ENTPD5: variants seen among roughly 807,000 people sequenced by gnomAD.
ENTPD5 encodes the protein nucleoside diphosphate phosphatase ENTPD5.
In ENTPD5, 49 loss-of-function variants were observed where a neutral mutation model predicts 60.2. The ratio of observed to expected loss-of-function variants is 0.81; its 90% CI spans 0.65 to 1.03. The LOEUF is 1.03. Ranked by LOEUF, ENTPD5 falls within the 50% of genes least tolerant of loss-of-function variation. The probability of loss-of-function intolerance (pLI) is 0.00; values close to 1 mark genes in which losing one functional copy is unlikely to be tolerated. For synonymous variants in ENTPD5, 187 were observed against 185.4 expected (o/e 1.01, Z -0.07); for missense variants, 480 against 507.6 (o/e 0.95, Z 0.52).
At chr14:74,001,775 G>A (rs1290056444) in intron 3 of ENTPD5, among the ~76,000 whole-genome samples, 1 of 150,726 alleles carries the variant, frequency 6.6e-6, no homozygotes, top group African/African-American at 2.4e-5. Context: ...TTGAGCCTGA[G>A]AAGTGGAGGC....
intron 12 of ENTPD5, 125 bp from the exon 13 acceptor site, chr14:73,973,149 G>A: frequency 8.6e-7 from 1 of 1,168,786 alleles, no homozygotes; most frequent in Non-Finnish European, 1.2e-6. Context: ...GGAGAAGGCT[G>A]AGGCTTGGGA....
intron 2 of ENTPD5, among the ~76,000 whole-genome samples, chr14:74,012,719 G>T (rs1415099930): frequency 8.2e-6 from 1 of 121,276 alleles, no homozygotes; most frequent in Admixed American, 7.6e-5. Context: ...TACCATAATG[G>T]AATGTAGGCT....
intron 3 of ENTPD5, among the ~76,000 whole-genome samples, chr14:73,999,495 C>G (rs923735011): frequency 1.4e-5 from 2 of 145,110 alleles, no homozygotes; most frequent in Non-Finnish European, 3.0e-5. Flanking sequence ...CCCCCACCCC[C>G]CCAAAAAAAA....
At chr14:73,987,146 C>CAT (rs768546275) in intron 4 of ENTPD5, 1 of 702,096 alleles carries the variant, frequency 1.4e-6, no homozygotes, top group South Asian at 1.5e-5. Context: ...CATAAGTGAC[C>CAT]TGAGGAAAAA....
At chr14:74,001,242 C>T (rs915751590) in intron 3 of ENTPD5, among the ~76,000 whole-genome samples, 3 of 152,044 alleles carry the variant, frequency 2.0e-5, no homozygotes, top group Non-Finnish European at 4.4e-5. Flanking sequence ...GTGGCTCATG[C>T]CTGTAATCCC....
intron 3 of ENTPD5, among the ~76,000 whole-genome samples, chr14:74,008,527 A>G (rs905374124): frequency 5.3e-5 from 8 of 151,228 alleles, no homozygotes; most frequent in South Asian, 2.1e-4. Context: ...CCAAGTAGCT[A>G]GGACGATGGG....
At chr14:73,972,377 AAAC>A (rs1254551999) in intron 13 of ENTPD5, among the ~76,000 whole-genome samples, 1 of 151,898 alleles carries the variant, frequency 6.6e-6, no homozygotes, top group African/African-American at 2.4e-5. Flanking sequence ...CTGTCTCAAA[AAAC>A]AAACAAACAA....
intron 7 of ENTPD5, 103 bp downstream of exon 7, chr14:73,977,196 C>G: frequency 8.2e-7 from 1 of 1,223,076 alleles, no homozygotes; most frequent in Non-Finnish European, 1.2e-6. Context: ...CTATTTCCTG[C>G]TATCTCATTC....
chr14:73,992,202 T>C (rs1266962949), intron 3 of ENTPD5, among the ~76,000 whole-genome samples: 2 of 152,256 alleles, frequency 1.3e-5, no homozygotes, highest in South Asian at 2.1e-4. Context: ...ATCTCTTATG[T>C]AAGTCATAGT....
intron 3 of ENTPD5, among the ~76,000 whole-genome samples, chr14:74,009,791 C>CG (rs1445106218): frequency 3.0e-4 from 44 of 146,354 alleles, no homozygotes; most frequent in Non-Finnish European, 3.3e-4. Flanking sequence ...TGCATGTTTT[C>CG]GATTTTTTTT....
At chr14:73,958,754 G>T, downstream of ENTPD5, 1 of 1,450,846 alleles carries the variant, frequency 6.9e-7, no homozygotes, top group Non-Finnish European at 9.1e-7. Flanking sequence ...CTCATGGCTG[G>T]CACCTGTTCA....
intron 6 of ENTPD5, among the ~76,000 whole-genome samples, chr14:73,980,487 C>T (rs1456755099): frequency 6.6e-6 from 1 of 152,116 alleles, no homozygotes; most frequent in Non-Finnish European, 1.5e-5. Context: ...TGGTCTCAAA[C>T]TCCTGACCTC....
intron 3 of ENTPD5, among the ~76,000 whole-genome samples, chr14:74,002,834 C>G (rs1343674573): frequency 6.6e-6 from 1 of 152,150 alleles, no homozygotes; most frequent in Non-Finnish European, 1.5e-5. Context: ...CTCCCCATTT[C>G]AGAGAAACAA....
chr14:73,982,466 A>T (rs1007353743), intron 6 of ENTPD5, among the ~76,000 whole-genome samples: 47 of 152,150 alleles, frequency 3.1e-4, no homozygotes, highest in African/African-American at 1.1e-3. Context: ...TAAAAGAATG[A>T]AGAATATCAG....
At chr14:73,976,595 GTT>G (rs375982603) in intron 8 of ENTPD5, among the ~76,000 whole-genome samples, 183 bp from the exon 9 acceptor site, 1 of 140,048 alleles carries the variant, frequency 7.1e-6, no homozygotes, top group Admixed American at 7.2e-5. Flanking sequence ...CAAGGCAGGT[GTT>G]TTTTTTTTTT....
chr14:73,996,980 G>A (rs1244004427), intron 3 of ENTPD5, among the ~76,000 whole-genome samples: 3 of 151,992 alleles, frequency 2.0e-5, no homozygotes, highest in African/African-American at 7.3e-5. Flanking sequence ...GCAAACCAAC[G>A]ACTGTAATGT....
intron 3 of ENTPD5, among the ~76,000 whole-genome samples, chr14:73,988,792 G>T (rs777028311): frequency 6.6e-6 from 1 of 151,952 alleles, no homozygotes; most frequent in African/African-American, 2.4e-5. Context: ...TGAGCCTGGC[G>T]TGTTTCACTT....
chr14:74,001,666 C>CAAAAAAAAAAAAAAAA lies in ENTPD5; in HGVS notation c.-71+9409_-71+9424dup, dbSNP rs541623960. ...CTGGCGAGAGAGCAAGACCTCATCT[C>CAAAAAAAAAAAAAAAA]AAAAAAAAAAAAAAAAAAAAAAAAA... is the stretch of plus-strand genomic sequence containing the variant. On this transcript the variant is annotated intron_variant, in intron 3 of 15. Coordinates refer to ENST00000334696, the MANE Select transcript of ENTPD5 (RefSeq NM_001249.5). 2.0e-4 allele frequency among the ~76,000 whole-genome samples: 10 copies of CAAAAAAAAAAAAAAAA among 49,356 alleles called. 1 individual carries two copies. Among genetic ancestry groups the CAAAAAAAAAAAAAAAA allele is most frequent in the East Asian group, 2.3e-3 (2 of 868 alleles). The allele number at this position is 49,356 out of a possible 152,430, so 32.4% of individuals were successfully genotyped here.
intron 3 of ENTPD5, among the ~76,000 whole-genome samples, chr14:73,989,917 G>A (rs1044510654): frequency 1.3e-5 from 2 of 151,470 alleles, no homozygotes; most frequent in Non-Finnish European, 2.9e-5. Context: ...TGAGGCAGGA[G>A]AACCACTTGA....
Sources: gnomAD v4.1 joint callset for allele counts (sites outside exome capture counted in the v4.1 genomes callset) on GRCh38, gnomAD v4.1.1 for gene constraint, MANE v1.5 for transcripts, NCBI Gene and HGNC (gene_info 2026-07-23, HGNC 2026-07-21) for gene names.